Variants in NEGR1 observed in about 807,000 individuals in gnomAD.
NEGR1 encodes IgLON family member 4.
NEGR1 carries 10 observed loss-of-function variants against 40.9 expected under a neutral mutation model. That is an observed-to-expected ratio of 0.24 (90% CI 0.15 to 0.42). The LOEUF is 0.42. NEGR1 is among the 10% of genes least tolerant of loss of function. The probability of loss-of-function intolerance (pLI) is 1.00; values close to 1 mark genes in which losing one functional copy is unlikely to be tolerated. For synonymous variants in NEGR1, 185 were observed against 166.8 expected (o/e 1.11, Z -0.84); for missense variants, 352 against 438.9 (o/e 0.80, Z 1.77).
At chr1:71,653,283 A>C (rs1403107877) in intron 4 of NEGR1, among the ~76,000 whole-genome samples, 2 of 152,260 alleles carry the variant, frequency 1.3e-5, no homozygotes, top group Non-Finnish European at 2.9e-5. Context: ...TGGAATATTT[A>C]TGAAGACATA....
Position 71,730,125 on chromosome 1 carries a change from T to C in NEGR1, c.536-31986A>G, listed in dbSNP as rs1315583317. ...AAAGGAGATCTCCTTTAAAAACTGGTTTTTACAAGAAGATACAAACAACCT... is the reference window on the plus strand; with the variant it reads ...AAAGGAGATCTCCTTTAAAAACTGGCTTTTACAAGAAGATACAAACAACCT... On this transcript the variant is annotated intron_variant, in intron 3 of 6. Coordinates refer to ENST00000357731, the MANE Select transcript of NEGR1 (RefSeq NM_173808.3). Among the ~76,000 whole-genome samples, 5 of 151,292 alleles carry C rather than the reference T, an allele frequency of 3.3e-5. No individual in the cohort carries two copies. In the East Asian group the frequency reaches 9.9e-4, roughly 30 times the overall value.
intron 1 of NEGR1, among the ~76,000 whole-genome samples, chr1:71,996,918 C>T (rs1646509660): frequency 6.6e-6 from 1 of 152,040 alleles, no homozygotes; most frequent in South Asian, 2.1e-4. Flanking sequence ...CATACTCCTC[C>T]TTTTGGTTCT....
intron 1 of NEGR1, among the ~76,000 whole-genome samples, chr1:72,205,058 A>G (rs1161243503): frequency 1.3e-5 from 2 of 152,124 alleles, no homozygotes; most frequent in Non-Finnish European, 2.9e-5. Flanking sequence ...GAAAAACTGT[A>G]TTACATTGCA....
rs1197884975 is a variant in NEGR1 at position 71,988,545 on chromosome 1, CAAA to C, written c.177-53237_177-53235del. Among the ~76,000 whole-genome samples the C allele has an allele frequency of 8.2e-3, 327 of 39,672 alleles. 1 individual carries two copies. Among genetic ancestry groups the C allele is most frequent in the Middle Eastern group, 0.031 (1 of 32 alleles). The allele number at this position is 39,672 out of a possible 152,430, so 26.0% of individuals were successfully genotyped here. ...TGGGCGACAGAGCGAGACTCCGTCT[CAAA>C]AAAAAAAAAAAAAAAAAAAAAGAGT... On this transcript the variant is annotated intron_variant, in intron 1 of 6. Transcript: ENST00000357731.
chr1:72,217,289 C>A (rs1449163438), intron 1 of NEGR1, among the ~76,000 whole-genome samples: 1 of 150,832 alleles, frequency 6.6e-6, no homozygotes, highest in South Asian at 2.1e-4. Context: ...ACATTTTAAA[C>A]CCAAGGCATA....
At chr1:71,879,857 C>A (rs911839141) in intron 2 of NEGR1, among the ~76,000 whole-genome samples, 4 of 152,066 alleles carry the variant, frequency 2.6e-5, no homozygotes, top group African/African-American at 9.7e-5. Context: ...AGGACTAAGA[C>A]CCTTCTGATG....
chr1:71,599,386 T>C (rs568643130), intron 5 of NEGR1, among the ~76,000 whole-genome samples: 1 of 152,302 alleles, frequency 6.6e-6, no homozygotes, highest in South Asian at 2.1e-4. Context: ...TCAGTATCAA[T>C]TACATGTGCA....
At chr1:72,139,568 A>G (rs2100332107) in intron 1 of NEGR1, among the ~76,000 whole-genome samples, 1 of 152,228 alleles carries the variant, frequency 6.6e-6, no homozygotes, top group South Asian at 2.1e-4. Context: ...AAAGAAACAA[A>G]ATATGAAAGC....
At chr1:72,228,516 G>T (rs764038359) in intron 1 of NEGR1, among the ~76,000 whole-genome samples, 1 of 152,136 alleles carries the variant, frequency 6.6e-6, no homozygotes. Flanking sequence ...ATAACTGAAT[G>T]AGTCAATTTC....
chr1:71,822,270 T>C (rs1408243507), intron 2 of NEGR1, among the ~76,000 whole-genome samples: 1 of 151,766 alleles, frequency 6.6e-6, no homozygotes. Flanking sequence ...TAGAAACACA[T>C]CGATGGACCT....
At chr1:72,080,797 T>G (rs2100527589) in intron 1 of NEGR1, among the ~76,000 whole-genome samples, 1 of 152,186 alleles carries the variant, frequency 6.6e-6, no homozygotes, top group Admixed American at 6.5e-5. Context: ...TCACAGAGAC[T>G]TTTACAGAAA....
chr1:71,770,171 A>C (rs1248414490), intron 3 of NEGR1, among the ~76,000 whole-genome samples: 1 of 152,270 alleles, frequency 6.6e-6, no homozygotes, highest in Non-Finnish European at 1.5e-5. Context: ...ATAGATGAGC[A>C]GAAGCAGTAG....
intron 6 of NEGR1, among the ~76,000 whole-genome samples, chr1:71,429,517 T>C (rs1646451700): frequency 6.6e-6 from 1 of 152,206 alleles, no homozygotes. Flanking sequence ...CTGATGCTTC[T>C]AGAGAGTCAT....
At chr1:71,842,738 G>A (rs749582395) in intron 2 of NEGR1, among the ~76,000 whole-genome samples, 1 of 152,008 alleles carries the variant, frequency 6.6e-6, no homozygotes, top group African/African-American at 2.4e-5. Flanking sequence ...TTTCAAATTC[G>A]AGGAAGTAAA....
intron 1 of NEGR1, among the ~76,000 whole-genome samples, chr1:72,264,324 G>A (rs964247364): frequency 2.0e-5 from 3 of 150,988 alleles, no homozygotes; most frequent in Non-Finnish European, 4.5e-5. Context: ...TCATAAGGCT[G>A]TTGTGATATT....
chr1:71,536,980 T>C (rs900638641), intron 6 of NEGR1, among the ~76,000 whole-genome samples: 1 of 151,714 alleles, frequency 6.6e-6, no homozygotes, highest in Non-Finnish European at 1.5e-5. Flanking sequence ...AAATCTACTA[T>C]AGATTTCCTT....
chr1:71,744,342 A>AAAT (rs3077144), intron 3 of NEGR1, among the ~76,000 whole-genome samples: 49,007 of 140,512 alleles, frequency 0.35, 9,013 homozygotes, highest in East Asian at 0.5. Context: ...AGTACTCTGT[A>AAAT]AATAATAATA....
chr1:71,426,977 T>A (rs1646432911), intron 6 of NEGR1, among the ~76,000 whole-genome samples: 1 of 152,210 alleles, frequency 6.6e-6, no homozygotes, highest in Non-Finnish European at 1.5e-5. Context: ...GGCAGCCATG[T>A]TGAAGTTCCT....
chr1:71,598,500 C>T (rs1479811379), intron 5 of NEGR1, among the ~76,000 whole-genome samples: 1 of 152,204 alleles, frequency 6.6e-6, no homozygotes, highest in African/African-American at 2.4e-5. Context: ...TGTCTAGCTT[C>T]ACATAGTCAG....
Sources: gnomAD v4.1 joint callset for allele counts (sites outside exome capture counted in the v4.1 genomes callset) on GRCh38, gnomAD v4.1.1 for gene constraint, MANE v1.5 for transcripts, NCBI Gene and HGNC (gene_info 2026-07-23, HGNC 2026-07-21) for gene names.